The following OR51B5 variants were observed in gnomAD, a reference collection of about 807,000 sequenced individuals.
The protein encoded by OR51B5 is olfactory receptor family 51 subfamily B member 5.
For missense variants in OR51B5, 456 were observed against 374.6 expected (o/e 1.22, Z -1.79); for synonymous variants, 186 against 144.8 (o/e 1.28, Z -2.04).
chr11:5,412,767 T>G (rs549382714), intron 1 of OR51B5, among the ~76,000 whole-genome samples: 157 of 152,078 alleles, frequency 1.0e-3, no homozygotes, highest in Middle Eastern at 6.8e-3. Flanking sequence ...CCAGGCTTGC[T>G]TAGGTAAACA....
intron 1 of OR51B5, chr11:5,454,211 T>G: frequency 6.2e-7 from 1 of 1,614,202 alleles, no homozygotes; most frequent in Non-Finnish European, 8.5e-7. Context: ...TCAACACATG[T>G]GTGTCACATA....
At chr11:5,343,488 T>A (rs774986351) in exon 1 of OR51B5, 2 of 1,356,988 alleles carry the variant, frequency 1.5e-6, no homozygotes, top group Non-Finnish European at 1.0e-6. Context: ...GGAAAACCAG[T>A]CAATAGGAAG....
At chr11:5,498,136 T>C (rs1447658971) in intron 1 of OR51B5, among the ~76,000 whole-genome samples, 1 of 152,174 alleles carries the variant, frequency 6.6e-6, no homozygotes, top group African/African-American at 2.4e-5. Context: ...CCCTATAGGA[T>C]ATTCCACCAG....
chr11:5,410,595 G>C (rs1002013928), intron 1 of OR51B5, among the ~76,000 whole-genome samples: 1 of 152,086 alleles, frequency 6.6e-6, no homozygotes, highest in African/African-American at 2.4e-5. Context: ...ATTTGAGAGA[G>C]TATTTCTTCT....
At chr11:5,498,775 G>T (rs1169681051) in intron 1 of OR51B5, among the ~76,000 whole-genome samples, 2 of 152,250 alleles carry the variant, frequency 1.3e-5, no homozygotes, top group Admixed American at 6.5e-5. Context: ...ACAGGTCCCA[G>T]GTAACAGATT....
At chr11:5,369,964 G>A (rs1849425094) in intron 1 of OR51B5, among the ~76,000 whole-genome samples, 1 of 152,142 alleles carries the variant, frequency 6.6e-6, no homozygotes, top group Non-Finnish European at 1.5e-5. Flanking sequence ...AAAGGCAGTG[G>A]GGAAAGAGGC....
chr11:5,352,767 C>T (rs1017875741), intron 1 of OR51B5, among the ~76,000 whole-genome samples: 6 of 81,778 alleles, frequency 7.3e-5, no homozygotes, highest in African/African-American at 3.1e-4. Context: ...TACACACATA[C>T]ATATACACAC....
intron 1 of OR51B5, chr11:5,489,184 TC>T: frequency 6.2e-7 from 1 of 1,612,332 alleles, no homozygotes; most frequent in Non-Finnish European, 8.5e-7. Flanking sequence ...GGCTATTGTC[TC>T]CCCCTTCATC....
At chr11:5,462,591 A>C (rs1851074126) in intron 1 of OR51B5, among the ~76,000 whole-genome samples, 1 of 152,200 alleles carries the variant, frequency 6.6e-6, no homozygotes, top group South Asian at 2.1e-4. Context: ...GTTTTAAAAA[A>C]CGACAAATGG....
At chr11:5,430,173 A>T (rs1850514585) in intron 1 of OR51B5, among the ~76,000 whole-genome samples, 1 of 152,206 alleles carries the variant, frequency 6.6e-6, no homozygotes, top group South Asian at 2.1e-4. Context: ...ATCTGGAGAA[A>T]ACCAGAGAGC....
In OR51B5 at chr11:5,445,609, C is replaced by A. The variant is rs115544073; in HGVS notation, n.84+59960G>T. 3.8e-3 allele frequency among the ~76,000 whole-genome samples: 570 copies of A among 151,774 alleles called. 6 individuals carry two copies. Among genetic ancestry groups the A allele is most frequent in the African/African-American group, 0.013 (542 of 41,370 alleles). The stretch of plus-strand genomic sequence containing the variant: ...TGCAAAGAACATAAATATTTAAAAA[C>A]TAATCCACCTAACAGGCTAAATGTA... On this transcript the variant is annotated intron_variant and non_coding_transcript_variant, in intron 1 of 4. Transcript: ENST00000415970.
At chr11:5,424,766 C>G (rs2736583) in intron 1 of OR51B5, among the ~76,000 whole-genome samples, 88,971 of 131,078 alleles carry the variant, frequency 0.68, 31,091 homozygotes, top group Middle Eastern at 0.73. Context: ...TGGATCACGA[C>G]GTCAGCAGAT....
chr11:5,434,681 G>A (rs1303758129), intron 1 of OR51B5, among the ~76,000 whole-genome samples: 1 of 152,154 alleles, frequency 6.6e-6, no homozygotes, highest in Non-Finnish European at 1.5e-5. Context: ...GCAACGTCAA[G>A]GAGACCATAG....
intron 1 of OR51B5, among the ~76,000 whole-genome samples, chr11:5,452,480 G>C (rs529478687): frequency 6.8e-4 from 78 of 115,150 alleles, no homozygotes; most frequent in African/African-American, 2.1e-3. Flanking sequence ...ACTCCAGCCT[G>C]GGCAAAAGAG....
chr11:5,388,539 C>A (rs1849737638), intron 1 of OR51B5, among the ~76,000 whole-genome samples: 1 of 144,120 alleles, frequency 6.9e-6, no homozygotes. Flanking sequence ...AAATGTTTAC[C>A]TATGAGCAAG....
intron 1 of OR51B5, among the ~76,000 whole-genome samples, chr11:5,473,853 G>A (rs563087025): frequency 9.5e-4 from 83 of 87,086 alleles, no homozygotes; most frequent in African/African-American, 2.5e-3. Context: ...ATTACAAAAT[G>A]AGTGTGTGTG....
At chr11:5,395,344 G>A (rs1849851473) in intron 1 of OR51B5, among the ~76,000 whole-genome samples, 1 of 152,194 alleles carries the variant, frequency 6.6e-6, no homozygotes, top group South Asian at 2.1e-4. Flanking sequence ...GGACCAGTAA[G>A]TTGCTGAAGG....
intron 1 of OR51B5, among the ~76,000 whole-genome samples, chr11:5,457,206 TC>T (rs1424737892): frequency 6.6e-6 from 1 of 152,222 alleles, no homozygotes; most frequent in Non-Finnish European, 1.5e-5. Flanking sequence ...AAAGTTTTAC[TC>T]CCCCTTATAT....
chr11:5,357,943 A>T (rs903138453), intron 1 of OR51B5, among the ~76,000 whole-genome samples: 2 of 151,996 alleles, frequency 1.3e-5, no homozygotes, highest in Admixed American at 6.6e-5. Flanking sequence ...TTGGAACCAA[A>T]GAGAACAAAG....
Sources: gnomAD v4.1 joint callset for allele counts (sites outside exome capture counted in the v4.1 genomes callset) on GRCh38, gnomAD v4.1.1 for gene constraint, MANE v1.5 for transcripts, NCBI Gene and HGNC (gene_info 2026-07-23, HGNC 2026-07-21) for gene names.